RBMS3: variants seen among roughly 807,000 people sequenced by gnomAD.
RBMS3 encodes the protein RNA binding motif single stranded interacting protein 3, also known as RNA-binding motif, single-stranded-interacting protein 3.
A neutral mutation model predicts 66.8 loss-of-function variants in RBMS3; 27 were observed. The ratio of observed to expected loss-of-function variants is 0.40; its 90% CI spans 0.30 to 0.56. The LOEUF (loss-of-function observed/expected upper bound fraction) is 0.56. Among genes scored for constraint, RBMS3 ranks in the 20% least tolerant of loss-of-function variants. The probability of loss-of-function intolerance (pLI) is 0.40; values close to 1 mark genes in which losing one functional copy is unlikely to be tolerated. For synonymous variants in RBMS3, 188 were observed against 183.0 expected, an observed-to-expected ratio of 1.03 and a Z score of -0.22; for missense variants, 513 against 549.5, an observed-to-expected ratio of 0.93 and a Z score of 0.66.
chr3:29,951,630 T>C (rs1695687468), intron 12 of RBMS3, among the ~76,000 whole-genome samples: 1 of 151,740 alleles, frequency 6.6e-6, no homozygotes, highest in Non-Finnish European at 1.5e-5. Context: ...GGAAAGTGTG[T>C]TAGGACTTTT....
At chr3:29,812,463 A>G (rs1372737565) in intron 6 of RBMS3, among the ~76,000 whole-genome samples, 1 of 152,176 alleles carries the variant, frequency 6.6e-6, no homozygotes, top group Non-Finnish European at 1.5e-5. Context: ...AGATTCAAAA[A>G]AGCTAAAAGC....
intron 1 of RBMS3, among the ~76,000 whole-genome samples, chr3:29,338,310 G>A (rs187841394): frequency 1.3e-5 from 2 of 152,176 alleles, no homozygotes; most frequent in East Asian, 3.9e-4. Flanking sequence ...TTATATAAAA[G>A]CAAATAAAAT....
intron 6 of RBMS3, among the ~76,000 whole-genome samples, chr3:29,846,231 C>A (rs1402176518): frequency 6.6e-6 from 1 of 151,736 alleles, no homozygotes; most frequent in Non-Finnish European, 1.5e-5. Context: ...TTGCAGAATT[C>A]CAAAAAGAGA....
chr3:29,297,440 A>C (rs2033351666), intron 1 of RBMS3, among the ~76,000 whole-genome samples: 1 of 151,906 alleles, frequency 6.6e-6, no homozygotes, highest in Non-Finnish European at 1.5e-5. Flanking sequence ...ACAAATCCTT[A>C]AGATGGCTCC....
chr3:29,540,041 C>T (rs943724129), intron 3 of RBMS3, among the ~76,000 whole-genome samples: 3 of 152,218 alleles, frequency 2.0e-5, no homozygotes, highest in Non-Finnish European at 2.9e-5. Context: ...GTTTCATTCA[C>T]GGTAAAAATG....
chr3:29,936,104 A>T lies in RBMS3; in HGVS notation c.958A>T (p.Thr320Ser), dbSNP rs1055192613. The change falls in exon 11 of 15, where the codon ACC becomes TCC. Residue 320 changes from threonine to serine, a missense_variant. Coordinates refer to ENST00000383767, the MANE Select transcript of RBMS3 (RefSeq NM_001003793.3). ...CTTGTAGGGTGCTGTGATTACACCA[A>T]CCATGGACCATCCCATGTCAATGCA... ...MQPTGAVITP[T>S]MDHPMSMQPA... 1 of 1,613,182 alleles carries T rather than the reference A, an allele frequency of 6.2e-7. No individual in the cohort carries two copies. Among genetic ancestry groups the T allele is most frequent in the East Asian group, 2.2e-5 (1 of 44,844 alleles).
intron 8 of RBMS3, among the ~76,000 whole-genome samples, chr3:29,891,015 G>C (rs1301052250): frequency 6.6e-6 from 1 of 151,544 alleles, no homozygotes; most frequent in Non-Finnish European, 1.5e-5. Context: ...CCACATCCTA[G>C]CTAAATGACA....
intron 7 of RBMS3, chr3:29,880,669 A>G (rs2059715498): frequency 1.0e-6 from 1 of 960,258 alleles, no homozygotes; most frequent in South Asian, 1.4e-5. Context: ...ATATTCAGCC[A>G]ATGGGTTAAG....
chr3:29,575,106 TTTC>T (rs1337361661), intron 3 of RBMS3, among the ~76,000 whole-genome samples: 3 of 152,182 alleles, frequency 2.0e-5, no homozygotes, highest in African/African-American at 7.2e-5. Flanking sequence ...CTTCAGATGA[TTTC>T]TTCTTGCTCA....
chr3:29,792,848 A>G (rs909889363), intron 6 of RBMS3, among the ~76,000 whole-genome samples: 7 of 152,254 alleles, frequency 4.6e-5, no homozygotes, highest in African/African-American at 1.7e-4. Flanking sequence ...AAGCAAAGCA[A>G]TAAAGAAAAA....
chr3:29,715,780 T>C (rs555749011), intron 4 of RBMS3, among the ~76,000 whole-genome samples: 1 of 152,142 alleles, frequency 6.6e-6, no homozygotes, highest in Non-Finnish European at 1.5e-5. Context: ...CAGGGTATAC[T>C]ACCTGCTGAG....
chr3:29,660,049 G>T (rs1020281567), intron 4 of RBMS3, among the ~76,000 whole-genome samples: 25 of 151,976 alleles, frequency 1.6e-4, no homozygotes, highest in African/African-American at 5.8e-4. Context: ...TCACCTCCTT[G>T]GTTAAATTAA....
At chr3:29,486,681 T>A (rs144719065) in intron 2 of RBMS3, among the ~76,000 whole-genome samples, 104 of 152,312 alleles carry the variant, frequency 6.8e-4, no homozygotes, top group African/African-American at 2.3e-3. Flanking sequence ...AGGACATTCT[T>A]GTAATATTGA....
chr3:29,362,671 C>T (rs1264896132), intron 1 of RBMS3, among the ~76,000 whole-genome samples: 1 of 152,110 alleles, frequency 6.6e-6, no homozygotes, highest in East Asian at 1.9e-4. Flanking sequence ...GATGGAGTAC[C>T]CACAATTTTA....
intron 3 of RBMS3, among the ~76,000 whole-genome samples, chr3:29,552,242 A>G (rs1480612164): frequency 6.6e-6 from 1 of 152,156 alleles, no homozygotes; most frequent in Non-Finnish European, 1.5e-5. Context: ...ACTCAGGACT[A>G]TGTTATCTTG....
chr3:29,771,344 C>T (rs2056190053), intron 6 of RBMS3, among the ~76,000 whole-genome samples: 1 of 151,978 alleles, frequency 6.6e-6, no homozygotes. Flanking sequence ...ACAATTCAAA[C>T]CCTTTGAAAA....
chr3:29,661,886 G>A (rs1430811626), intron 4 of RBMS3, among the ~76,000 whole-genome samples: 1 of 152,122 alleles, frequency 6.6e-6, no homozygotes, highest in Non-Finnish European at 1.5e-5. Flanking sequence ...AAGGTGGATG[G>A]TGAAGCTCCC....
chr3:29,494,671 T>C (rs2043673212), intron 3 of RBMS3, among the ~76,000 whole-genome samples: 2 of 152,212 alleles, frequency 1.3e-5, no homozygotes, highest in African/African-American at 4.8e-5. Flanking sequence ...GTGTATTTGC[T>C]AAATTAAAAA....
chr3:29,914,773 G>A (rs1228404467), intron 10 of RBMS3, among the ~76,000 whole-genome samples: 1 of 151,880 alleles, frequency 6.6e-6, no homozygotes, highest in Non-Finnish European at 1.5e-5. Flanking sequence ...AGAAATCTTA[G>A]GAGCCCCCAA....
Sources: gnomAD v4.1 joint callset for allele counts (sites outside exome capture counted in the v4.1 genomes callset) on GRCh38, gnomAD v4.1.1 for gene constraint, MANE v1.5 for transcripts, NCBI Gene and HGNC (gene_info 2026-07-23, HGNC 2026-07-21) for gene names.